Variants in SKAP1 observed in about 807,000 individuals in gnomAD.
SKAP1 encodes the protein src kinase-associated phosphoprotein 1.
A neutral mutation model predicts 58.5 loss-of-function variants in SKAP1; 44 were observed. The ratio of observed to expected loss-of-function variants is 0.75; its 90% CI spans 0.59 to 0.97. The LOEUF (loss-of-function observed/expected upper bound fraction) is 0.97, where lower values mean the gene tolerates loss of function less well. Among genes scored for constraint, SKAP1 ranks in the 50% least tolerant of loss-of-function variants. The pLI is 0.00. For missense variants in SKAP1, 390 were observed against 435.2 expected, an observed-to-expected ratio of 0.90 and a Z score of 0.92; for synonymous variants, 127 against 149.7, an observed-to-expected ratio of 0.85 and a Z score of 1.11.
chr17:48,149,156 C>CAAGT (rs1352033508), intron 11 of SKAP1, among the ~76,000 whole-genome samples: 1 of 152,200 alleles, frequency 6.6e-6, no homozygotes, highest in Admixed American at 6.5e-5. Context: ...TCATTCAGGA[C>CAAGT]AAGTATACAT....
At chr17:48,261,388 G>C (rs2938471) in intron 4 of SKAP1, among the ~76,000 whole-genome samples, 120,417 of 152,082 alleles carry the variant, frequency 0.79, 47,810 homozygotes, top group East Asian at 0.95. Context: ...CCTTATATAC[G>C]CAGGAATCCT....
Position 48,357,402 on chromosome 17 carries a change from G to A in SKAP1, c.178+6387C>T, listed in dbSNP as rs547562751. Among the ~76,000 whole-genome samples the A allele has an allele frequency of 1.6e-4, 25 of 152,154 alleles. 1 individual carries two copies. The highest frequency in any genetic ancestry group is 5.5e-4 in the African/African-American group (23 of 41,514). On this transcript the variant is annotated intron_variant, in intron 3 of 12. Coordinates refer to ENST00000336915, the MANE Select transcript of SKAP1 (RefSeq NM_003726.4). ...TCCCAGCACTTTGGGAGGCTGAGGCGGATGGATCATGAGGTCAGGAGATCG... is the reference window on the plus strand; with the variant it reads ...TCCCAGCACTTTGGGAGGCTGAGGCAGATGGATCATGAGGTCAGGAGATCG...
intron 1 of SKAP1, among the ~76,000 whole-genome samples, chr17:48,418,320 C>T (rs2067756237): frequency 6.6e-6 from 1 of 152,080 alleles, no homozygotes; most frequent in African/African-American, 2.4e-5. Context: ...ACAACCACCC[C>T]ACCAAATATT....
rs1212697327 is a variant in SKAP1, at chr17:48,396,587, T to C, written c.152+93A>G. The C allele has an allele frequency of 1.1e-5, 8 of 753,418 alleles. No individual in the cohort carries two copies. The African/African-American group carries it at 1.2e-4, about 12-fold the overall frequency. The allele number at this position is 753,418 out of a possible 1,614,324, so 46.7% of individuals were successfully genotyped here. A position where few individuals can be genotyped will look rare whatever the true frequency, so the allele number is the denominator to read the frequency against. On this transcript the variant is annotated intron_variant, in intron 2 of 12. Coordinates refer to ENST00000336915, the MANE Select transcript of SKAP1 (RefSeq NM_003726.4). The stretch of plus-strand genomic sequence containing the variant: ...AGTTTCTGCCAAGTATAAAGAACTA[T>C]GATAGGTATGTCTTACCTTGTGACT...
chr17:48,289,490 C>T (rs1223840636), intron 4 of SKAP1, among the ~76,000 whole-genome samples: 1 of 152,110 alleles, frequency 6.6e-6, no homozygotes, highest in East Asian at 1.9e-4. Context: ...TTGCTGATTT[C>T]TACTACTTTC....
At chr17:48,329,431 G>A (rs976285590) in intron 4 of SKAP1, among the ~76,000 whole-genome samples, 2 of 152,188 alleles carry the variant, frequency 1.3e-5, no homozygotes, top group South Asian at 4.1e-4. Context: ...GTGGCTGGGC[G>A]CGGTGGCTCA....
At chr17:48,260,898 G>A (rs144391513) in intron 4 of SKAP1, among the ~76,000 whole-genome samples, 3 of 152,182 alleles carry the variant, frequency 2.0e-5, no homozygotes, top group African/African-American at 7.2e-5. Flanking sequence ...CAAATGCCAC[G>A]TTCTTAGTAC....
chr17:48,278,996 A>G (rs2065735723), intron 4 of SKAP1, among the ~76,000 whole-genome samples: 1 of 152,160 alleles, frequency 6.6e-6, no homozygotes, highest in South Asian at 2.1e-4. Flanking sequence ...CAGGCCATAC[A>G]GCATATGATT....
At chr17:48,304,979 T>C (rs1409632525) in intron 4 of SKAP1, among the ~76,000 whole-genome samples, 2 of 152,232 alleles carry the variant, frequency 1.3e-5, no homozygotes, top group Non-Finnish European at 2.9e-5. Context: ...TTATTCTGTA[T>C]ATTGAGAGGC....
intron 4 of SKAP1, among the ~76,000 whole-genome samples, chr17:48,267,486 C>A (rs1292561176): frequency 6.6e-6 from 1 of 152,160 alleles, no homozygotes; most frequent in African/African-American, 2.4e-5. Flanking sequence ...ATTTATACTT[C>A]AAATTACCAC....
Position 48,204,918 on chromosome 17 carries a change from ATCCTTCCTTCCT to A in SKAP1, c.281-15430_281-15419del, listed in dbSNP as rs72185809. ...GATGGTAGAAATACTTGTCAAGGAA[ATCCTTCCTTCCT>A]TCCTTCCTTCCTCCCTCCCTCCTTC... On this transcript the variant is annotated intron_variant, in intron 4 of 12. Coordinates refer to ENST00000336915, the MANE Select transcript of SKAP1 (RefSeq NM_003726.4). 3.3e-3 allele frequency among the ~76,000 whole-genome samples: 490 copies of A among 149,564 alleles called. 3 individuals carry two copies. The highest frequency in any genetic ancestry group is 5.7e-3 in the Non-Finnish European group (381 of 67,142).
Position 48,397,449 on chromosome 17 carries a change from C to A in SKAP1, c.47-664G>T, listed in dbSNP as rs569147329. On this transcript the variant is annotated intron_variant, in intron 1 of 12. Transcript: ENST00000336915. ...TCATGTTGCCCAGGCTGGTTTCGAA[C>A]TCCTGAGCTCAGACAATCAGCCTGC... 4.6e-5 allele frequency among the ~76,000 whole-genome samples: 7 copies of A among 152,316 alleles called. No individual in the cohort carries two copies. The South Asian group carries it at 6.2e-4, about 14-fold the overall frequency.
At chr17:48,245,110 T>C (rs983621690) in intron 4 of SKAP1, among the ~76,000 whole-genome samples, 25 of 152,200 alleles carry the variant, frequency 1.6e-4, no homozygotes, top group African/African-American at 5.8e-4. Context: ...GGAAACCATC[T>C]GCCTGAAGTA....
intron 4 of SKAP1, among the ~76,000 whole-genome samples, chr17:48,318,847 G>C (rs1174178760): frequency 2.0e-5 from 3 of 152,186 alleles, no homozygotes; most frequent in Non-Finnish European, 4.4e-5. Flanking sequence ...GGGCAAGACA[G>C]AGCAAGACCT....
the SKAP1 span, among the ~76,000 whole-genome samples, chr17:48,442,114 G>A: frequency 5.9e-5 from 9 of 152,128 alleles, no homozygotes; most frequent in Non-Finnish European, 1.2e-4. Context: ...AGGAGGAGGA[G>A]GCAACCATTT....
At chr17:48,276,883 C>G (rs1481747814) in intron 4 of SKAP1, among the ~76,000 whole-genome samples, 1 of 152,150 alleles carries the variant, frequency 6.6e-6, no homozygotes, top group African/African-American at 2.4e-5. Flanking sequence ...AGACACTGGG[C>G]TTAAAACTAA....
chr17:48,285,029 T>C (rs867826966), intron 4 of SKAP1, among the ~76,000 whole-genome samples: 1 of 152,196 alleles, frequency 6.6e-6, no homozygotes, highest in Non-Finnish European at 1.5e-5. Context: ...ATTTCTCTTA[T>C]AGTAGGCCTG....
intron 2 of SKAP1, among the ~76,000 whole-genome samples, chr17:48,394,230 G>A (rs1398935175): frequency 2.6e-5 from 4 of 151,788 alleles, no homozygotes; most frequent in East Asian, 1.9e-4. Context: ...CTAAAAAAGC[G>A]AAAAACAAAC....
At chr17:48,336,278 G>C (rs910117509) in intron 4 of SKAP1, among the ~76,000 whole-genome samples, 1 of 152,042 alleles carries the variant, frequency 6.6e-6, no homozygotes, top group Admixed American at 6.6e-5. Flanking sequence ...AAACACTTAG[G>C]CATCTTCTAG....
Sources: gnomAD v4.1 joint callset for allele counts (sites outside exome capture counted in the v4.1 genomes callset) on GRCh38, gnomAD v4.1.1 for gene constraint, MANE v1.5 for transcripts, NCBI Gene and HGNC (gene_info 2026-07-23, HGNC 2026-07-21) for gene names.